Variants in GTF2A1L observed in about 807,000 individuals in gnomAD.
GTF2A1L encodes the protein general transcription factor IIA subunit 1 like, also known as TFIIA-alpha and beta-like factor.
GTF2A1L carries 48 observed loss-of-function variants against 49.7 expected under a neutral mutation model. The observed-to-expected ratio is 0.97, with a 90% confidence interval of 0.77 to 1.23. GTF2A1L has a LOEUF of 1.23. GTF2A1L is among the 50% of genes most tolerant of loss of function. The pLI, the probability that GTF2A1L is intolerant of heterozygous loss-of-function variation, is 0.00. For missense variants in GTF2A1L, 736 were observed against 564.8 expected, an observed-to-expected ratio of 1.30 and a Z score of -3.07; for synonymous variants, 246 against 193.5, an observed-to-expected ratio of 1.27 and a Z score of -2.25.
chr2:48,618,187 A>C, intron 1 of GTF2A1L: 1 of 385,956 alleles, frequency 2.6e-6, no homozygotes, highest in Non-Finnish European at 4.6e-6. Context: ...CTGATCCTCA[A>C]CCCTGCTGGT....
In GTF2A1L at chr2:48,627,377, G is replaced by A. The variant is rs1339716707; in HGVS notation, c.247+6087G>A. Among the ~76,000 whole-genome samples the A allele has an allele frequency of 2.1e-5, 3 of 143,586 alleles. 1 individual carries two copies. Among genetic ancestry groups the A allele is most frequent in the Non-Finnish European group, 3.1e-5 (2 of 63,840 alleles). 94.2% of individuals were successfully genotyped at this position (143,586 alleles called of 152,430 possible). Reference sequence around the variant, plus strand: ...TGCACTTTGAATGGCTTTTTAACACGTGTAATGTTACAGCATACATTGGTT... The same window carrying A: ...TGCACTTTGAATGGCTTTTTAACACATGTAATGTTACAGCATACATTGGTT... On this transcript the variant is annotated intron_variant, in intron 3 of 8. Coordinates refer to ENST00000403751, the MANE Select transcript of GTF2A1L (RefSeq NM_006872.5).
At chr2:48,628,556 A>G (rs1264391628) in intron 3 of GTF2A1L, among the ~76,000 whole-genome samples, 3 of 143,354 alleles carry the variant, frequency 2.1e-5, no homozygotes, top group Non-Finnish European at 4.7e-5. Context: ...CCCACTTTTT[A>G]ATGGGGTTAT....
intron 3 of GTF2A1L, 32 bp from the exon 4 acceptor site, chr2:48,642,370 A>G: frequency 6.6e-7 from 1 of 1,526,556 alleles, no homozygotes; most frequent in Non-Finnish European, 8.9e-7. Context: ...GTAAATTCTA[A>G]TGAATGTATA....
chr2:48,626,172 G>A lies in GTF2A1L; in HGVS notation c.247+4882G>A, dbSNP rs1038292190. ...CTCTTAGCACCCTTGTTGAAAATCA[G>A]TTGACCATATGTGTTTGGGTTTATT... On this transcript the variant is annotated intron_variant, in intron 3 of 8. Coordinates refer to ENST00000403751, the MANE Select transcript of GTF2A1L (RefSeq NM_006872.5). Among the ~76,000 whole-genome samples, 4 of 144,030 alleles carry A rather than the reference G, an allele frequency of 2.8e-5. 1 individual carries two copies. The highest frequency in any genetic ancestry group is 9.9e-5 in the African/African-American group (4 of 40,454). The allele number at this position is 144,030 out of a possible 152,430, so 94.5% of individuals were successfully genotyped here.
chr2:48,621,117 T>A, intron 2 of GTF2A1L, 50 bp from the exon 3 acceptor site: 1 of 1,571,096 alleles, frequency 6.4e-7, no homozygotes, highest in Non-Finnish European at 8.6e-7. Context: ...GAAGTATCAT[T>A]ATATGTGTAT....
At chr2:48,672,750 A>T (rs567602687) in intron 8 of GTF2A1L, among the ~76,000 whole-genome samples, 53 of 152,342 alleles carry the variant, frequency 3.5e-4, no homozygotes, top group South Asian at 3.1e-3. Flanking sequence ...ATTCATGAAT[A>T]TTTATATTCT....
chr2:48,625,942 A>T (rs1243208496), intron 3 of GTF2A1L, among the ~76,000 whole-genome samples: 1 of 144,124 alleles, frequency 6.9e-6, no homozygotes, highest in Non-Finnish European at 1.6e-5. Flanking sequence ...ATCATTGCCA[A>T]GGCCATTGTC....
In GTF2A1L at chr2:48,645,018, A is replaced by C; in HGVS notation, c.304-15A>C. The stretch of plus-strand genomic sequence containing the variant: ...GTCCTTTTCTAACTTTCTAATATAA[A>C]TTTCTTATATCTAGGGCACTTCAAA... On this transcript the variant is annotated splice_polypyrimidine_tract_variant and intron_variant, in intron 4 of 8. Transcript: ENST00000403751. 1 of 1,583,444 alleles carries C rather than the reference A, an allele frequency of 6.3e-7. No homozygotes were observed. Among genetic ancestry groups the C allele is most frequent in the Non-Finnish European group, 8.5e-7 (1 of 1,171,496 alleles).
chr2:48,653,484 T>C (rs1677984328), intron 6 of GTF2A1L, among the ~76,000 whole-genome samples: 1 of 152,200 alleles, frequency 6.6e-6, no homozygotes, highest in South Asian at 2.1e-4. Context: ...AGGTTTACCT[T>C]TTCCAGAATA....
intron 3 of GTF2A1L, among the ~76,000 whole-genome samples, chr2:48,639,121 C>G (rs570687155): frequency 6.6e-6 from 1 of 152,286 alleles, no homozygotes; most frequent in South Asian, 2.1e-4. Context: ...AATGGCCATA[C>G]TACCCAAAGC....
intron 3 of GTF2A1L, among the ~76,000 whole-genome samples, chr2:48,628,855 ATTT>A (rs1282626442): frequency 6.9e-6 from 1 of 144,012 alleles, no homozygotes; most frequent in Non-Finnish European, 1.6e-5. Flanking sequence ...GAGGTCTTAC[ATTT>A]AGAACTTTAA....
At chr2:48,650,180 C>T (rs1252607055) in intron 6 of GTF2A1L, among the ~76,000 whole-genome samples, 1 of 152,068 alleles carries the variant, frequency 6.6e-6, no homozygotes, top group African/African-American at 2.4e-5. Flanking sequence ...TTTGTATATG[C>T]AGTAATCTAA....
rs538069401 is a variant in GTF2A1L at position 48,628,294 on chromosome 2, T to G, written c.247+7004T>G. 5.6e-5 allele frequency among the ~76,000 whole-genome samples: 8 copies of G among 144,114 alleles called. 1 individual carries two copies. The highest frequency in any genetic ancestry group is 1.3e-4 in the Non-Finnish European group (8 of 63,950). The allele number at this position is 144,114 out of a possible 152,430, so 94.5% of individuals were successfully genotyped here. ...GTTCTATTTTAAGTTCTTAGGGAAA[T>G]CTCCAAACTGTTGTCCACAGTGGCT... On this transcript the variant is annotated intron_variant, in intron 3 of 8. Transcript: ENST00000403751.
At chr2:48,662,957 G>C (rs1215023017) in intron 6 of GTF2A1L, among the ~76,000 whole-genome samples, 1 of 151,978 alleles carries the variant, frequency 6.6e-6, no homozygotes, top group Non-Finnish European at 1.5e-5. Flanking sequence ...AATACCTGCT[G>C]AGTACTATGC....
chr2:48,661,764 C>T (rs1265432461), intron 6 of GTF2A1L, among the ~76,000 whole-genome samples: 3 of 151,930 alleles, frequency 2.0e-5, no homozygotes, highest in African/African-American at 4.8e-5. Context: ...ATTTATTTTT[C>T]CATCTTTTCC....
intron 6 of GTF2A1L, among the ~76,000 whole-genome samples, chr2:48,655,859 T>G (rs1005427594): frequency 1.3e-5 from 2 of 152,146 alleles, no homozygotes; most frequent in East Asian, 3.8e-4. Context: ...TTTCTCACTC[T>G]CCCAGTCCCT....
intron 6 of GTF2A1L, among the ~76,000 whole-genome samples, chr2:48,653,920 CAAAAAA>C (rs70946819): frequency 0.017 from 1,836 of 108,556 alleles, 11 homozygotes; most frequent in Middle Eastern, 0.026. Flanking sequence ...GACTGTGTCT[CAAAAAA>C]AAAAAAAAAA....
rs1397319286 is a variant in GTF2A1L at position 48,635,629 on chromosome 2, T to A, written c.248-6773T>A. ...GGCTTGCAATAGGGAAGAGTATAAT[T>A]CCAATACCTACTTCTGAGGTGCTTT... On this transcript the variant is annotated intron_variant, in intron 3 of 8. Transcript: ENST00000403751. 3.9e-5 allele frequency among the ~76,000 whole-genome samples: 6 copies of A among 152,058 alleles called. No homozygotes were observed. In the South Asian group the frequency reaches 8.3e-4, roughly 21 times the overall value.
intron 8 of GTF2A1L, among the ~76,000 whole-genome samples, chr2:48,677,280 T>A (rs1460411914): frequency 6.6e-6 from 1 of 151,932 alleles, no homozygotes; most frequent in Admixed American, 6.6e-5. Context: ...ATTAATAAAA[T>A]TTGTTATTTT....
Sources: gnomAD v4.1 joint callset for allele counts (sites outside exome capture counted in the v4.1 genomes callset) on GRCh38, gnomAD v4.1.1 for gene constraint, MANE v1.5 for transcripts, NCBI Gene and HGNC (gene_info 2026-07-23, HGNC 2026-07-21) for gene names.